Variants in PRDM5 observed in about 807,000 individuals in gnomAD.
PRDM5 encodes the protein PR domain zinc finger protein 5.
A neutral mutation model predicts 81.2 loss-of-function variants in PRDM5; 56 were observed. That is an observed-to-expected ratio of 0.69 (90% CI 0.56 to 0.86). PRDM5 has a LOEUF of 0.86. Ranked by LOEUF, PRDM5 falls within the 40% of genes least tolerant of loss-of-function variation. The probability of loss-of-function intolerance (pLI) is 0.00; values close to 1 mark genes in which losing one functional copy is unlikely to be tolerated. For missense variants in PRDM5, 697 were observed against 770.1 expected, an observed-to-expected ratio of 0.91 and a Z score of 1.12; for synonymous variants, 267 against 256.4, an observed-to-expected ratio of 1.04 and a Z score of -0.39.
At chr4:120,903,685 C>T (rs1300428650) in intron 2 of PRDM5, among the ~76,000 whole-genome samples, 1 of 152,176 alleles carries the variant, frequency 6.6e-6, no homozygotes, top group East Asian at 1.9e-4. Flanking sequence ...ATGGCAGGGC[C>T]AGCTGGAGAT....
At chr4:120,688,826 T>C (rs947641105), downstream of PRDM5, among the ~76,000 whole-genome samples, 1 of 152,208 alleles carries the variant, frequency 6.6e-6, no homozygotes, top group Non-Finnish European at 1.5e-5. Context: ...CATTGGCCTG[T>C]ACATATCTGT....
At chr4:120,892,697 G>A (rs1764189564) in intron 2 of PRDM5, among the ~76,000 whole-genome samples, 1 of 151,614 alleles carries the variant, frequency 6.6e-6, no homozygotes, top group African/African-American at 2.4e-5. Context: ...AGGTGGAGGA[G>A]GGTGAAGTCA....
chr4:120,707,253 C>G (rs1374240177), intron 15 of PRDM5, among the ~76,000 whole-genome samples: 4 of 151,706 alleles, frequency 2.6e-5, no homozygotes, highest in Non-Finnish European at 5.9e-5. Flanking sequence ...AGATTTATCT[C>G]AGGACTGCAA....
chr4:120,889,974 T>C (rs1185464470), intron 2 of PRDM5, among the ~76,000 whole-genome samples: 1 of 152,232 alleles, frequency 6.6e-6, no homozygotes, highest in African/African-American at 2.4e-5. Context: ...ATTCCATTAC[T>C]TTGCTACTGT....
chr4:120,921,560 T>C (rs911700636), intron 1 of PRDM5, among the ~76,000 whole-genome samples: 8 of 152,308 alleles, frequency 5.3e-5, no homozygotes, highest in Non-Finnish European at 1.0e-4. Flanking sequence ...GTGTCTCTAC[T>C]GCATCCTCTG....
At chr4:120,734,890 C>T (rs752530858) in intron 14 of PRDM5, among the ~76,000 whole-genome samples, 1 of 152,192 alleles carries the variant, frequency 6.6e-6, no homozygotes, top group Non-Finnish European at 1.5e-5. Context: ...TCAGCGTGGT[C>T]TTTGCCATGC....
intron 8 of PRDM5, among the ~76,000 whole-genome samples, chr4:120,805,737 C>T (rs1752819546): frequency 6.6e-6 from 1 of 152,112 alleles, no homozygotes; most frequent in Admixed American, 6.5e-5. Context: ...AAACACACAG[C>T]CAATATCATA....
At chr4:120,763,465 T>G (rs772734078) in intron 13 of PRDM5, among the ~76,000 whole-genome samples, 22 of 152,080 alleles carry the variant, frequency 1.4e-4, no homozygotes, top group South Asian at 4.2e-4. Flanking sequence ...GGTCTTGATG[T>G]GAGTGCTGGC....
rs201965676 is a variant in PRDM5, at chr4:120,754,545, A to G, written c.1623+8T>C. ...GATCAATATTAATGAAACAGAATATAATCTTACCCTGGTGTGAGTACGAAT... is the reference window on the plus strand; with the variant it reads ...GATCAATATTAATGAAACAGAATATGATCTTACCCTGGTGTGAGTACGAAT... On this transcript the variant is annotated splice_region_variant and intron_variant, in intron 14 of 15. Transcript: ENST00000264808. 3.8e-5 allele frequency: 59 copies of G among 1,533,786 alleles called. No homozygotes were observed. The highest frequency in any genetic ancestry group is 4.7e-5 in the Non-Finnish European group (52 of 1,107,380).
chr4:120,841,299 G>C (rs1392671669), intron 3 of PRDM5, among the ~76,000 whole-genome samples: 2 of 152,150 alleles, frequency 1.3e-5, no homozygotes, highest in Non-Finnish European at 2.9e-5. Context: ...CTTTTGAGTA[G>C]TGAATTCAGT....
In PRDM5 at chr4:120,785,923, A is replaced by T. The variant is rs369909432; in HGVS notation, c.1189-832T>A. Among the ~76,000 whole-genome samples the T allele has an allele frequency of 1.8e-4, 28 of 152,264 alleles. No individual in the cohort carries two copies. The South Asian group carries it at 5.8e-3, about 32-fold the overall frequency. ...AAAAACAAAACCAAAACAAAACAGC[A>T]AACACTGCTCACTCCACCTCTTTTA... On this transcript the variant is annotated intron_variant, in intron 10 of 15. Coordinates refer to ENST00000264808, the MANE Select transcript of PRDM5 (RefSeq NM_018699.4).
chr4:120,730,923 C>T (rs886847798), intron 14 of PRDM5, among the ~76,000 whole-genome samples: 13 of 152,066 alleles, frequency 8.5e-5, no homozygotes, highest in African/African-American at 2.9e-4. Flanking sequence ...AATGGGGCTG[C>T]CCAAGCCAGA....
At position 120,899,725 on chromosome 4, in the gene PRDM5, T is replaced by A. The variant is rs915950445; in HGVS notation, c.177+7749A>T. On this transcript the variant is annotated intron_variant, in intron 2 of 15. Coordinates refer to ENST00000264808, the MANE Select transcript of PRDM5 (RefSeq NM_018699.4). ...GTGTCCTCTAATTTAATTCAATCCTTATATTATCTATCTGGAGATAACGTC... is the reference window on the plus strand; with the variant it reads ...GTGTCCTCTAATTTAATTCAATCCTAATATTATCTATCTGGAGATAACGTC... Among the ~76,000 whole-genome samples, 4 of 152,282 alleles carry A rather than the reference T, an allele frequency of 2.6e-5. No homozygotes were observed. The East Asian group carries it at 7.7e-4, about 29-fold the overall frequency.
intron 3 of PRDM5, among the ~76,000 whole-genome samples, chr4:120,833,483 T>C (rs756344809): frequency 3.3e-5 from 5 of 152,084 alleles, no homozygotes; most frequent in Non-Finnish European, 2.9e-5. Flanking sequence ...CTTCCTTTAA[T>C]TGAAAAGGTG....
intron 2 of PRDM5, among the ~76,000 whole-genome samples, chr4:120,855,695 C>T (rs776314682): frequency 3.3e-5 from 5 of 152,134 alleles, no homozygotes; most frequent in Non-Finnish European, 5.9e-5. Context: ...TTTATATTGA[C>T]AAAAAGCCAA....
At chr4:120,710,256 C>A (rs1736771589) in intron 15 of PRDM5, 53 bp downstream of exon 15, 2 of 1,440,744 alleles carry the variant, frequency 1.4e-6, no homozygotes, top group Non-Finnish European at 1.9e-6. Context: ...CACACACACA[C>A]CCCTACTTTC....
chr4:120,877,289 G>GT (rs2148565960), intron 2 of PRDM5, among the ~76,000 whole-genome samples: 1 of 152,232 alleles, frequency 6.6e-6, no homozygotes, highest in Admixed American at 6.5e-5. Flanking sequence ...TCAAAAACCC[G>GT]TATTTCTGAC....
chr4:120,747,801 C>A (rs1349201299), intron 14 of PRDM5, among the ~76,000 whole-genome samples: 1 of 152,200 alleles, frequency 6.6e-6, no homozygotes. Flanking sequence ...GCTGTTTCTG[C>A]AAACAAGGCT....
At chr4:120,848,338 A>G (rs343179) in intron 3 of PRDM5, among the ~76,000 whole-genome samples, 131,481 of 152,176 alleles carry the variant, frequency 0.86, 56,861 homozygotes, top group East Asian at 0.93. Context: ...CTGAATTTAC[A>G]TTTTTAAAAA....
Sources: allele counts gnomAD v4.1 joint callset (sites outside exome capture counted in the v4.1 genomes callset), GRCh38; gene constraint gnomAD v4.1.1; transcripts MANE v1.5; gene names NCBI Gene and HGNC (gene_info 2026-07-23, HGNC 2026-07-21).